The following CRIM1 variants were observed in gnomAD, a reference collection of about 807,000 sequenced individuals.
CRIM1 encodes the protein cysteine rich transmembrane BMP regulator 1, also known as cysteine-rich motor neuron 1 protein.
CRIM1 carries 32 observed loss-of-function variants against 116.4 expected under a neutral mutation model. The observed-to-expected ratio is 0.27, with a 90% CI of 0.21 to 0.37. CRIM1 has a LOEUF of 0.37. Ranked by LOEUF, CRIM1 falls within the 10% of genes least tolerant of loss-of-function variation. CRIM1 has a pLI of 1.00. For synonymous variants in CRIM1, 590 were observed against 509.2 expected (o/e 1.16, Z -2.13); for missense variants, 1,331 against 1,354.8 (o/e 0.98, Z 0.28).
chr2:36,546,362 C>T lies in CRIM1; in HGVS notation c.2747-622C>T, dbSNP rs183431235. 6.6e-5 allele frequency among the ~76,000 whole-genome samples: 10 copies of T among 152,180 alleles called. 1 individual carries two copies. The East Asian group carries it at 1.7e-3, about 26-fold the overall frequency. ...ATAAGTGCAAAACTAAATGTAGTCA[C>T]CTATGCGATATAATTCATTAAGGCA... On this transcript the variant is annotated intron_variant, in intron 15 of 16. Transcript: ENST00000280527.
At chr2:36,468,713 T>TC (rs1394467514) in intron 5 of CRIM1, among the ~76,000 whole-genome samples, 1 of 152,196 alleles carries the variant, frequency 6.6e-6, no homozygotes, top group Non-Finnish European at 1.5e-5. Flanking sequence ...GACAATGGCC[T>TC]CTACTGTTAG....
At chr2:36,458,317 G>A (rs185809527) in intron 4 of CRIM1, among the ~76,000 whole-genome samples, 2 of 152,270 alleles carry the variant, frequency 1.3e-5, no homozygotes, top group East Asian at 3.9e-4. Flanking sequence ...GAGGTTGAGG[G>A]GCATTCCTGT....
intron 4 of CRIM1, among the ~76,000 whole-genome samples, chr2:36,456,079 A>T (rs1027521850): frequency 6.6e-6 from 1 of 152,154 alleles, no homozygotes; most frequent in Non-Finnish European, 1.5e-5. Context: ...CAGCCAGGCA[A>T]TGGAGGCTTT....
At chr2:36,378,259 A>G in intron 1 of CRIM1, 1 of 469,228 alleles carries the variant, frequency 2.1e-6, no homozygotes. Context: ...TTGATGGGAT[A>G]TTTTTCTTCA....
intron 2 of CRIM1, among the ~76,000 whole-genome samples, chr2:36,431,609 C>T (rs1208383752): frequency 6.6e-6 from 1 of 152,210 alleles, no homozygotes; most frequent in Non-Finnish European, 1.5e-5. Context: ...TACTACACTA[C>T]TAAAAACTCT....
At chr2:36,514,960 T>G (rs541605960) in intron 11 of CRIM1, among the ~76,000 whole-genome samples, 1 of 152,348 alleles carries the variant, frequency 6.6e-6, no homozygotes, top group South Asian at 2.1e-4. Flanking sequence ...TTCCCTGTAG[T>G]TCAGTTAGAG....
At chr2:36,534,234 TGGGGAAGGAGGGAG>T (rs1558410159) in intron 13 of CRIM1, among the ~76,000 whole-genome samples, 5 of 25,078 alleles carry the variant, frequency 2.0e-4, no homozygotes, top group South Asian at 1.7e-3. Context: ...GGAAGGAGGG[TGGGGAAGGAGGGAG>T]GGGGAAGGAG....
At chr2:36,442,591 T>C (rs1348257535) in intron 3 of CRIM1, 24 bp from the exon 4 acceptor site, 5 of 1,613,944 alleles carry the variant, frequency 3.1e-6, no homozygotes, top group African/African-American at 1.3e-5. Context: ...CAATAAACGG[T>C]GCCTCTCTGT....
intron 2 of CRIM1, among the ~76,000 whole-genome samples, chr2:36,420,014 C>T (rs1054790727): frequency 1.6e-4 from 25 of 152,058 alleles, no homozygotes; most frequent in African/African-American, 6.0e-4. Flanking sequence ...AAATGTTTGT[C>T]GCTTCTGACT....
intron 1 of CRIM1, among the ~76,000 whole-genome samples, chr2:36,362,091 C>T (rs1216549239): frequency 6.6e-6 from 1 of 152,038 alleles, no homozygotes; most frequent in Non-Finnish European, 1.5e-5. Context: ...ATATTCTTTG[C>T]TCTGTACACT....
intron 5 of CRIM1, among the ~76,000 whole-genome samples, chr2:36,467,499 A>G (rs1678142868): frequency 6.6e-6 from 1 of 152,242 alleles, no homozygotes; most frequent in South Asian, 2.1e-4. Context: ...AAGATACTAC[A>G]TATCAAAGAT....
At chr2:36,450,331 C>T (rs1364480814) in intron 4 of CRIM1, among the ~76,000 whole-genome samples, 1 of 152,154 alleles carries the variant, frequency 6.6e-6, no homozygotes, top group Non-Finnish European at 1.5e-5. Flanking sequence ...CCTTCTGTTG[C>T]CACATCACTT....
At chr2:36,410,345 A>G (rs1226583888) in intron 2 of CRIM1, among the ~76,000 whole-genome samples, 1 of 152,178 alleles carries the variant, frequency 6.6e-6, no homozygotes, top group Non-Finnish European at 1.5e-5. Context: ...TTCCAATAAC[A>G]AAAGAACAAT....
chr2:36,388,634 C>G (rs1671348019), intron 1 of CRIM1, among the ~76,000 whole-genome samples: 1 of 152,160 alleles, frequency 6.6e-6, no homozygotes, highest in Non-Finnish European at 1.5e-5. Flanking sequence ...GGCCAAGGTC[C>G]TCTCCATTAC....
intron 1 of CRIM1, among the ~76,000 whole-genome samples, chr2:36,380,996 C>A (rs1216064961): frequency 6.6e-6 from 1 of 152,222 alleles, no homozygotes; most frequent in East Asian, 1.9e-4. Flanking sequence ...CTCCTGGGGC[C>A]CCCCCGCTGC....
chr2:36,460,656 T>A (rs1677511260), intron 4 of CRIM1, among the ~76,000 whole-genome samples: 2 of 152,254 alleles, frequency 1.3e-5, no homozygotes, highest in African/African-American at 2.4e-5. Flanking sequence ...GAAATCTCAG[T>A]GCTCTCCTCA....
chr2:36,473,818 A>C (rs746889306), intron 5 of CRIM1, among the ~76,000 whole-genome samples: 1 of 152,106 alleles, frequency 6.6e-6, no homozygotes, highest in Non-Finnish European at 1.5e-5. Context: ...GGCTGCTAGG[A>C]ACATTTGTTT....
chr2:36,383,148 A>G (rs1572605975), intron 1 of CRIM1, among the ~76,000 whole-genome samples: 1 of 152,232 alleles, frequency 6.6e-6, no homozygotes, highest in African/African-American at 2.4e-5. Context: ...GCATGTGGGA[A>G]TACATATTTC....
At chr2:36,531,839 T>C (rs1378927922) in intron 13 of CRIM1, 2 of 464,650 alleles carry the variant, frequency 4.3e-6, no homozygotes, top group African/African-American at 4.0e-5. Context: ...TAATCATATG[T>C]GATGCAAGAT....
Sources: allele counts gnomAD v4.1 joint callset (sites outside exome capture counted in the v4.1 genomes callset), GRCh38; gene constraint gnomAD v4.1.1; transcripts MANE v1.5; gene names NCBI Gene and HGNC (gene_info 2026-07-23, HGNC 2026-07-21).